CYB5R4: variants seen among roughly 807,000 people sequenced by gnomAD.
CYB5R4 encodes N-terminal cytochrome b5 and cytochrome b5 oxidoreductase domain-containing protein.
CYB5R4 carries 55 observed loss-of-function variants against 70.2 expected under a neutral mutation model. The ratio of observed to expected loss-of-function variants is 0.78; its 90% CI spans 0.63 to 0.98. The LOEUF is 0.98. Among genes scored for constraint, CYB5R4 ranks in the 50% least tolerant of loss-of-function variants. The pLI is 0.00. For missense variants in CYB5R4, 562 were observed against 612.6 expected (o/e 0.92, Z 0.87); for synonymous variants, 197 against 199.5 (o/e 0.99, Z 0.11).
intron 12 of CYB5R4, 40 bp downstream of exon 12, chr6:83,936,416 A>G: frequency 2.6e-6 from 4 of 1,566,474 alleles, no homozygotes; most frequent in Non-Finnish European, 3.5e-6. Context: ...TTTGTGCTCT[A>G]GATTGGATCA....
chr6:83,923,623 G>A (rs926254043), intron 9 of CYB5R4, among the ~76,000 whole-genome samples: 1 of 151,878 alleles, frequency 6.6e-6, no homozygotes, highest in Non-Finnish European at 1.5e-5. Flanking sequence ...CCCATATATT[G>A]TAAACATTTT....
intron 2 of CYB5R4, among the ~76,000 whole-genome samples, chr6:83,892,049 C>T (rs2099461196): frequency 6.6e-6 from 1 of 152,148 alleles, no homozygotes; most frequent in Admixed American, 6.5e-5. Context: ...CATTACCACT[C>T]ACGTTTTTGG....
At position 83,859,702 on chromosome 6, in the gene CYB5R4, G is replaced by C; in HGVS notation, c.-81G>C. On this transcript the variant is annotated 5_prime_UTR_variant, in exon 1 of 16. Coordinates refer to ENST00000369681, the MANE Select transcript of CYB5R4 (RefSeq NM_016230.4). Reference sequence around the variant, plus strand: ...GAAGTGGGTCGGGGGCTTGGCCTCTGCCCGGCCACAGAGCCGGAGCTGGAG... The same window carrying C: ...GAAGTGGGTCGGGGGCTTGGCCTCTCCCCGGCCACAGAGCCGGAGCTGGAG... 2.7e-6 allele frequency: 4 copies of C among 1,503,400 alleles called. No homozygotes were observed. Among genetic ancestry groups the C allele is most frequent in the Non-Finnish European group, 3.7e-6 (4 of 1,094,176 alleles). 93.1% of individuals were successfully genotyped at this position (1,503,400 alleles called of 1,614,324 possible).
Position 83,960,411 on chromosome 6 carries a change from A to G in CYB5R4, c.*533A>G, listed in dbSNP as rs1446538273. The G allele has an allele frequency of 6.6e-6, 1 of 152,566 alleles. No individual in the cohort carries two copies. Among genetic ancestry groups the G allele is most frequent in the Admixed American group, 6.5e-5 (1 of 15,272 alleles). 9.5% of individuals were successfully genotyped at this position (152,566 alleles called of 1,614,324 possible). Reference sequence around the variant, plus strand: ...TTGATGCAGAATAGAATAAAATTATACTTAAGTTCTTTTTAATCCTTGTGG... The same window carrying G: ...TTGATGCAGAATAGAATAAAATTATGCTTAAGTTCTTTTTAATCCTTGTGG... On this transcript the variant is annotated 3_prime_UTR_variant, in exon 16 of 16. Transcript: ENST00000369681.
chr6:83,945,279 G>A lies in CYB5R4; in HGVS notation c.1346+4678G>A, dbSNP rs549555013. On this transcript the variant is annotated intron_variant, in intron 14 of 15. Transcript: ENST00000369681. ...AGGATTAAGAAACTCACTCAAAACCGCACAACTACGTGGAAACTGAACAAC... is the reference window on the plus strand; with the variant it reads ...AGGATTAAGAAACTCACTCAAAACCACACAACTACGTGGAAACTGAACAAC... 3.3e-5 allele frequency among the ~76,000 whole-genome samples: 5 copies of A among 152,248 alleles called. No individual in the cohort carries two copies. The East Asian group carries it at 7.7e-4, about 24-fold the overall frequency.
At chr6:83,927,743 G>A (rs1037790868) in intron 10 of CYB5R4, among the ~76,000 whole-genome samples, 2 of 152,054 alleles carry the variant, frequency 1.3e-5, no homozygotes, top group Non-Finnish European at 1.5e-5. Context: ...GTTTTTATGG[G>A]GGCTTTATTA....
At chr6:83,898,773 A>G (rs907854723) in intron 3 of CYB5R4, among the ~76,000 whole-genome samples, 4 of 151,848 alleles carry the variant, frequency 2.6e-5, no homozygotes, top group South Asian at 4.2e-4. Flanking sequence ...TTTGTCTGTT[A>G]TTGGTGTATA....
At chr6:83,893,673 T>C (rs755906150) in intron 3 of CYB5R4, 51 bp downstream of exon 3, 13 of 1,044,668 alleles carry the variant, frequency 1.2e-5, no homozygotes, top group Non-Finnish European at 1.8e-5. Context: ...AGTACTCAGA[T>C]TTATCAGTGT....
intron 3 of CYB5R4, among the ~76,000 whole-genome samples, chr6:83,901,314 A>T (rs1465395623): frequency 5.3e-5 from 8 of 152,154 alleles, no homozygotes; most frequent in Non-Finnish European, 1.0e-4. Context: ...TGGCTTGTAG[A>T]GTTTCTGCCG....
In CYB5R4 at chr6:83,966,626, G is replaced by C. The variant is rs1032379736; in HGVS notation, c.*6748G>C. 6.6e-6 allele frequency: 1 copy of C among 152,234 alleles called. No homozygotes were observed. Among genetic ancestry groups the C allele is most frequent in the Non-Finnish European group, 1.5e-5 (1 of 68,088 alleles). 9.4% of individuals were successfully genotyped at this position (152,234 alleles called of 1,614,324 possible). On this transcript the variant is annotated 3_prime_UTR_variant, in exon 16 of 16. Transcript: ENST00000369681. Reference sequence around the variant, plus strand: ...TAATTGCCTGAACCCGGGAGGCGGAGGTTGCGGTGAGCCGAGATTGCACCT... The same window carrying C: ...TAATTGCCTGAACCCGGGAGGCGGACGTTGCGGTGAGCCGAGATTGCACCT...
At chr6:83,920,461 A>G (rs146466051) in intron 7 of CYB5R4, among the ~76,000 whole-genome samples, 10 of 152,202 alleles carry the variant, frequency 6.6e-5, no homozygotes, top group Non-Finnish European at 1.3e-4. Context: ...AGGGAGGTCC[A>G]CTTGCACTGG....
intron 2 of CYB5R4, among the ~76,000 whole-genome samples, chr6:83,877,517 A>G (rs1329672075): frequency 1.3e-5 from 2 of 151,990 alleles, no homozygotes; most frequent in Admixed American, 6.6e-5. Context: ...TAGCGTGTAC[A>G]AAGATTACAT....
intron 2 of CYB5R4, among the ~76,000 whole-genome samples, chr6:83,873,939 A>G (rs1350330882): frequency 6.6e-6 from 1 of 152,148 alleles, no homozygotes; most frequent in African/African-American, 2.4e-5. Context: ...AAAAGCATGC[A>G]AAGGATGGGT....
chr6:83,936,480 C>A, intron 12 of CYB5R4, 104 bp downstream of exon 12: 1 of 995,922 alleles, frequency 1.0e-6, no homozygotes, highest in Non-Finnish European at 1.5e-6. Flanking sequence ...TTTAACTCAA[C>A]ATGTCTACAA....
intron 2 of CYB5R4, among the ~76,000 whole-genome samples, chr6:83,890,578 C>T (rs1156639281): frequency 1.3e-5 from 2 of 152,154 alleles, no homozygotes; most frequent in Admixed American, 1.3e-4. Context: ...CGTAAAACAA[C>T]AGCAGGGTTT....
chr6:83,870,448 T>C (rs1247719134), intron 2 of CYB5R4, among the ~76,000 whole-genome samples: 1 of 151,988 alleles, frequency 6.6e-6, no homozygotes, highest in Non-Finnish European at 1.5e-5. Context: ...TAACCGTTTT[T>C]TTTTTTTTCC....
At chr6:83,943,385 G>A (rs1469598812) in intron 14 of CYB5R4, among the ~76,000 whole-genome samples, 1 of 151,740 alleles carries the variant, frequency 6.6e-6, no homozygotes, top group African/African-American at 2.4e-5. Flanking sequence ...ACTGTTATAA[G>A]GTAAACTAAC....
At chr6:83,883,806 T>C (rs1436589185) in intron 2 of CYB5R4, among the ~76,000 whole-genome samples, 1 of 152,068 alleles carries the variant, frequency 6.6e-6, no homozygotes, top group Admixed American at 6.6e-5. Flanking sequence ...AGTTATAACA[T>C]TGTATTGTGG....
At chr6:83,915,872 C>A (rs1013702501) in intron 5 of CYB5R4, among the ~76,000 whole-genome samples, 3 of 152,158 alleles carry the variant, frequency 2.0e-5, no homozygotes, top group Non-Finnish European at 2.9e-5. Flanking sequence ...CTTTCCTATT[C>A]CACTAGAGAC....
Sources: allele counts gnomAD v4.1 joint callset (sites outside exome capture counted in the v4.1 genomes callset), GRCh38; gene constraint gnomAD v4.1.1; transcripts MANE v1.5; gene names NCBI Gene and HGNC (gene_info 2026-07-23, HGNC 2026-07-21).